IL1RAPL1: variants seen among roughly 807,000 people sequenced by gnomAD.
IL1RAPL1 encodes the protein interleukin 1 receptor accessory protein like 1.
A neutral mutation model predicts 48.4 loss-of-function variants in IL1RAPL1; 3 were observed. That is an observed-to-expected ratio of 0.06 (90% CI 0.03 to 0.16). The LOEUF (loss-of-function observed/expected upper bound fraction) is 0.16. Among genes scored for constraint, IL1RAPL1 ranks in the 10% least tolerant of loss-of-function variants. The pLI, the probability that IL1RAPL1 is intolerant of heterozygous loss-of-function variation, is 1.00. For missense variants in IL1RAPL1, 349 were observed against 530.6 expected, an observed-to-expected ratio of 0.66 and a Z score of 3.36; for synonymous variants, 185 against 187.7, an observed-to-expected ratio of 0.99 and a Z score of 0.12.
At chrX:29,553,960 C>T (rs1305533192) in intron 5 of IL1RAPL1, among the ~76,000 whole-genome samples, 1 of 106,984 alleles carries the variant, frequency 9.3e-6, no homozygotes, top group Non-Finnish European at 1.9e-5. Flanking sequence ...AAACTAATTG[C>T]TGCTTTGACT....
At chrX:28,829,934 G>A (rs1389069306) in intron 2 of IL1RAPL1, among the ~76,000 whole-genome samples, 5 of 110,912 alleles carry the variant, frequency 4.5e-5, no homozygotes, top group Non-Finnish European at 9.4e-5. Context: ...TTAATATGGT[G>A]TATGACATTG....
At chrX:29,118,107 G>A (rs1225538989) in intron 2 of IL1RAPL1, among the ~76,000 whole-genome samples, 1 of 111,804 alleles carries the variant, frequency 8.9e-6, no homozygotes, top group Non-Finnish European at 1.9e-5. Flanking sequence ...TTGCATAAAT[G>A]TTTGTCTTAT....
chrX:29,223,893 C>T (rs1431702219), intron 2 of IL1RAPL1, among the ~76,000 whole-genome samples: 4 of 111,093 alleles, frequency 3.6e-5, no homozygotes, highest in African/African-American at 1.3e-4. Flanking sequence ...CATCATAATT[C>T]AATGAAGTTT....
intron 1 of IL1RAPL1, among the ~76,000 whole-genome samples, chrX:28,729,773 G>A (rs992691522): frequency 9.0e-6 from 1 of 110,778 alleles, no homozygotes; most frequent in African/African-American, 3.3e-5. Flanking sequence ...CGAGGCAGGC[G>A]GATCATGAGG....
intron 2 of IL1RAPL1, among the ~76,000 whole-genome samples, chrX:28,959,444 C>G (rs1350624889): frequency 1.8e-5 from 2 of 111,557 alleles, no homozygotes; most frequent in Admixed American, 1.9e-4. Context: ...TTTATACTCT[C>G]CAGTATAAGA....
At chrX:29,155,488 C>G (rs1415249078) in intron 2 of IL1RAPL1, among the ~76,000 whole-genome samples, 1 of 111,694 alleles carries the variant, frequency 9.0e-6, no homozygotes, top group Non-Finnish European at 1.9e-5. Context: ...AATGGGAGCC[C>G]TCAGGTACAC....
At chrX:29,713,567 C>T (rs1395821236) in intron 6 of IL1RAPL1, among the ~76,000 whole-genome samples, 1 of 111,490 alleles carries the variant, frequency 9.0e-6, no homozygotes, top group Non-Finnish European at 1.9e-5. Flanking sequence ...CACTCCAGAC[C>T]TACTGAATCA....
At chrX:28,621,541 T>C (rs1934285257) in intron 1 of IL1RAPL1, among the ~76,000 whole-genome samples, 1 of 111,920 alleles carries the variant, frequency 8.9e-6, no homozygotes, top group East Asian at 2.8e-4. Flanking sequence ...TATGCTACCT[T>C]GGAGACCGCA....
At chrX:29,335,263 GAGAC>G (rs1287590969) in intron 3 of IL1RAPL1, among the ~76,000 whole-genome samples, 58 of 34,626 alleles carry the variant, frequency 1.7e-3, no homozygotes, top group Non-Finnish European at 2.1e-3. Context: ...GAGGGAGACG[GAGAC>G]GGAGACGGAG....
chrX:28,978,693 C>T (rs1925261812), intron 2 of IL1RAPL1, among the ~76,000 whole-genome samples: 1 of 111,903 alleles, frequency 8.9e-6, no homozygotes, highest in African/African-American at 3.3e-5. Context: ...TGTTTTCCTC[C>T]AGAAGTTTCC....
chrX:29,832,244 C>T (rs1398258650), intron 6 of IL1RAPL1, among the ~76,000 whole-genome samples: 1 of 111,840 alleles, frequency 8.9e-6, no homozygotes, highest in South Asian at 3.7e-4. Context: ...AAATTAAATC[C>T]GTGCTCTACC....
At chrX:29,115,262 T>C (rs1023884694) in intron 2 of IL1RAPL1, among the ~76,000 whole-genome samples, 4 of 111,704 alleles carry the variant, frequency 3.6e-5, no homozygotes, top group African/African-American at 1.3e-4. Flanking sequence ...AAGAAGAATG[T>C]GTTGAGTACA....
chrX:28,776,115 A>G (rs1433897802), intron 1 of IL1RAPL1, among the ~76,000 whole-genome samples: 1 of 111,689 alleles, frequency 9.0e-6, no homozygotes, highest in Non-Finnish European at 1.9e-5. Context: ...TATATTGGTC[A>G]ATGAGTTTAT....
At chrX:28,888,617 A>C (rs1170816338) in intron 2 of IL1RAPL1, among the ~76,000 whole-genome samples, 1 of 111,037 alleles carries the variant, frequency 9.0e-6, no homozygotes, top group Non-Finnish European at 1.9e-5. Flanking sequence ...GGTTTTGGAG[A>C]TATCACAGAT....
rs984479362 is a variant in IL1RAPL1 at position 29,239,135 on chromosome X, T to TA, written c.83-43795dup. Among the ~76,000 whole-genome samples the TA allele has an allele frequency of 5.4e-4, 60 of 111,451 alleles. 1 individual carries two copies. Among genetic ancestry groups the TA allele is most frequent in the African/African-American group, 1.8e-3 (56 of 30,798 alleles). ...TAGATACCATATATGCCTTCCAATC[T>TA]AAAAAAAATGAAAATATTGATAATA... On this transcript the variant is annotated intron_variant, in intron 2 of 10. Coordinates refer to ENST00000378993, the MANE Select transcript of IL1RAPL1 (RefSeq NM_014271.4).
At chrX:29,556,579 C>T (rs368978611) in intron 5 of IL1RAPL1, among the ~76,000 whole-genome samples, 22 of 106,485 alleles carry the variant, frequency 2.1e-4, no homozygotes, top group Non-Finnish European at 4.1e-4. Flanking sequence ...ACCCAGGAGG[C>T]GGAGGCTGCA....
At chrX:29,266,078 A>G (rs890346644) in intron 2 of IL1RAPL1, among the ~76,000 whole-genome samples, 1 of 111,097 alleles carries the variant, frequency 9.0e-6, no homozygotes, top group African/African-American at 3.3e-5. Context: ...GGGATCTAGA[A>G]CTAGAAATAC....
chrX:29,295,664 A>T (rs1352548114), intron 3 of IL1RAPL1, among the ~76,000 whole-genome samples: 1 of 111,420 alleles, frequency 9.0e-6, no homozygotes, highest in Non-Finnish European at 1.9e-5. Context: ...TTCAGAGCGG[A>T]TGTATTGGCT....
intron 2 of IL1RAPL1, among the ~76,000 whole-genome samples, chrX:29,082,302 G>A (rs193061362): frequency 5.1e-4 from 57 of 111,994 alleles, no homozygotes; most frequent in African/African-American, 1.8e-3. Context: ...CCACAATATT[G>A]TTGGCTAGTC....
Sources: gnomAD v4.1 joint callset for allele counts (sites outside exome capture counted in the v4.1 genomes callset) on GRCh38, gnomAD v4.1.1 for gene constraint, MANE v1.5 for transcripts, NCBI Gene and HGNC (gene_info 2026-07-23, HGNC 2026-07-21) for gene names.